AGMO: variants seen among roughly 807,000 people sequenced by gnomAD.
AGMO encodes alkylglycerol monooxygenase, also known as glyceryl-ether monooxygenase.
Under a neutral mutation model 60.2 loss-of-function variants are expected in AGMO, and 75 were observed. That is an observed-to-expected ratio of 1.25 (90% CI 1.03 to 1.51). The LOEUF is 1.51. Ranked by LOEUF, AGMO falls within the 40% of genes most tolerant of loss-of-function variation. AGMO has a pLI of 0.00. For missense variants in AGMO, 763 were observed against 525.5 expected (o/e 1.45, Z -4.42); for synonymous variants, 261 against 177.1 (o/e 1.47, Z -3.76).
chr7:15,414,154 C>T (rs1348894518), intron 5 of AGMO, among the ~76,000 whole-genome samples: 1 of 151,956 alleles, frequency 6.6e-6, no homozygotes, highest in Non-Finnish European at 1.5e-5. Flanking sequence ...ACTACAGGTG[C>T]CTGCCACCAC....
At chr7:15,325,374 C>T (rs1207846971) in intron 12 of AGMO, among the ~76,000 whole-genome samples, 1 of 151,982 alleles carries the variant, frequency 6.6e-6, no homozygotes, top group Non-Finnish European at 1.5e-5. Context: ...AAATTTAATA[C>T]ATAATATTAT....
At chr7:15,219,321 T>G (rs1389864063) in intron 12 of AGMO, among the ~76,000 whole-genome samples, 2 of 152,098 alleles carry the variant, frequency 1.3e-5, no homozygotes, top group Non-Finnish European at 2.9e-5. Context: ...CAGAATGAAG[T>G]GCTGGAGCAC....
At chr7:15,134,807 A>G in the AGMO span, among the ~76,000 whole-genome samples, 1 of 120,916 alleles carries the variant, frequency 8.3e-6, no homozygotes, top group Non-Finnish European at 1.8e-5. Flanking sequence ...GAAATTGGGG[A>G]ACATAAAAGA....
chr7:15,210,724 A>G (rs557116925), intron 12 of AGMO, among the ~76,000 whole-genome samples: 1 of 152,226 alleles, frequency 6.6e-6, no homozygotes, highest in Non-Finnish European at 1.5e-5. Flanking sequence ...ATAATTCAAA[A>G]TAAATCTTTG....
At position 15,297,772 on chromosome 7, in the gene AGMO, G is replaced by C. The variant is rs138698806; in HGVS notation, c.1263+67742C>G. Among the ~76,000 whole-genome samples, 280 of 152,198 alleles carry C rather than the reference G, an allele frequency of 1.8e-3. 1 individual carries two copies. Among genetic ancestry groups the C allele is most frequent in the Admixed American group, 3.1e-3 (48 of 15,282 alleles). On this transcript the variant is annotated intron_variant, in intron 12 of 12. Transcript: ENST00000342526. Reference sequence around the variant, plus strand: ...TTCCATGAAATTATTGTCATATATGGAAAGAGAATTATATGCATTTAATGA... The same window carrying C: ...TTCCATGAAATTATTGTCATATATGCAAAGAGAATTATATGCATTTAATGA...
At chr7:15,138,703 A>G in the AGMO span, among the ~76,000 whole-genome samples, 1 of 152,228 alleles carries the variant, frequency 6.6e-6, no homozygotes, top group Non-Finnish European at 1.5e-5. Flanking sequence ...CAAATAATGT[A>G]CAGCCTGAGA....
chr7:15,387,997 T>C (rs1251246370), intron 8 of AGMO, among the ~76,000 whole-genome samples: 1 of 150,480 alleles, frequency 6.6e-6, no homozygotes, highest in African/African-American at 2.5e-5. Flanking sequence ...AACCTCTGCC[T>C]CCTGGGTTCA....
At chr7:15,276,474 T>C (rs1783791754) in intron 12 of AGMO, among the ~76,000 whole-genome samples, 2 of 152,252 alleles carry the variant, frequency 1.3e-5, no homozygotes, top group African/African-American at 4.8e-5. Context: ...ATTTTTTTTC[T>C]TTCAGGTTGA....
chr7:15,340,407 G>A (rs1035579465), intron 12 of AGMO, among the ~76,000 whole-genome samples: 1 of 152,182 alleles, frequency 6.6e-6, no homozygotes, highest in Non-Finnish European at 1.5e-5. Context: ...CGGCTCTTTA[G>A]AGGTGCCAGA....
At chr7:15,409,035 T>C (rs1041048686) in intron 5 of AGMO, among the ~76,000 whole-genome samples, 1 of 151,804 alleles carries the variant, frequency 6.6e-6, no homozygotes, top group African/African-American at 2.4e-5. Flanking sequence ...TCCAGTATTA[T>C]TGAGCTGCAC....
intron 3 of AGMO, among the ~76,000 whole-genome samples, chr7:15,524,459 A>C (rs539858595): frequency 3.9e-5 from 6 of 152,166 alleles, no homozygotes; most frequent in Admixed American, 6.6e-5. Flanking sequence ...AATTATTTAT[A>C]AAAAATGCTA....
At chr7:15,319,932 A>G (rs1781056361) in intron 12 of AGMO, among the ~76,000 whole-genome samples, 1 of 151,934 alleles carries the variant, frequency 6.6e-6, no homozygotes, top group African/African-American at 2.4e-5. Flanking sequence ...ATGTATCCAT[A>G]AAAAATGATG....
chr7:15,207,094 C>T (rs1237758390), intron 12 of AGMO, among the ~76,000 whole-genome samples: 1 of 152,152 alleles, frequency 6.6e-6, no homozygotes, highest in Non-Finnish European at 1.5e-5. Context: ...TTCATCCAGA[C>T]CGCATTTCAA....
At chr7:15,137,231 T>A in the AGMO span, among the ~76,000 whole-genome samples, 1 of 152,214 alleles carries the variant, frequency 6.6e-6, no homozygotes. Context: ...AAGCTTTGCA[T>A]ATTCTTTTCA....
intron 12 of AGMO, among the ~76,000 whole-genome samples, chr7:15,340,070 G>A (rs1047989225): frequency 1.2e-4 from 19 of 152,124 alleles, no homozygotes; most frequent in African/African-American, 3.1e-4. Context: ...AGAAGTTTCC[G>A]ATTTTTTTGG....
the AGMO span, among the ~76,000 whole-genome samples, chr7:15,186,579 A>G: frequency 3.9e-4 from 59 of 152,350 alleles, no homozygotes; most frequent in African/African-American, 1.4e-3. Flanking sequence ...TGTGCAAAGT[A>G]GAATGTTTCT....
chr7:15,525,906 C>G (rs1003300015), intron 3 of AGMO, among the ~76,000 whole-genome samples: 1 of 152,192 alleles, frequency 6.6e-6, no homozygotes, highest in African/African-American at 2.4e-5. Flanking sequence ...CTCTGGGCAC[C>G]ACTGCATTCC....
the AGMO span, among the ~76,000 whole-genome samples, chr7:15,187,840 T>C: frequency 6.6e-6 from 1 of 152,248 alleles, no homozygotes; most frequent in Admixed American, 6.5e-5. Context: ...CTTGTCTTGT[T>C]GGTGTTTAAA....
At chr7:15,284,401 A>T (rs1324969840) in intron 12 of AGMO, among the ~76,000 whole-genome samples, 2 of 152,048 alleles carry the variant, frequency 1.3e-5, no homozygotes, top group Admixed American at 1.3e-4. Flanking sequence ...TACAACTGAC[A>T]CTACAAAAAT....
Sources: gnomAD v4.1 joint callset for allele counts (sites outside exome capture counted in the v4.1 genomes callset) on GRCh38, gnomAD v4.1.1 for gene constraint, MANE v1.5 for transcripts, NCBI Gene and HGNC (gene_info 2026-07-23, HGNC 2026-07-21) for gene names.